The following IGFL2 variants were observed in gnomAD, a reference collection of about 807,000 sequenced individuals.
The protein encoded by IGFL2 is IGF like family member 2, also known as insulin growth factor-like family member 2.
Under a neutral mutation model 13.9 loss-of-function variants are expected in IGFL2, and 7 were observed. The ratio of observed to expected loss-of-function variants is 0.51; its 90% confidence interval spans 0.29 to 0.95. The LOEUF is 0.95. Among genes scored for constraint, IGFL2 ranks in the 40% least tolerant of loss-of-function variants. IGFL2 has a pLI of 0.08. For missense variants in IGFL2, 138 were observed against 147.8 expected (o/e 0.93, Z 0.34); for synonymous variants, 55 against 55.8 (o/e 0.99, Z 0.07).
chr19:46,159,552 A>C (rs1356868342), intron 1 of IGFL2: 1 of 152,118 alleles, frequency 6.6e-6, no homozygotes, highest in Non-Finnish European at 1.5e-5. Context: ...ACATAATCTC[A>C]TTGTCACCTG....
At chr19:46,123,433 GA>G in the IGFL2 span, among the ~76,000 whole-genome samples, 2 of 150,774 alleles carry the variant, frequency 1.3e-5, no homozygotes, top group Admixed American at 6.6e-5. Context: ...GTAAAGTAAG[GA>G]AAAAATTATA....
chr19:46,119,832 A>T, the IGFL2 span, among the ~76,000 whole-genome samples: 1 of 150,702 alleles, frequency 6.6e-6, no homozygotes, highest in Non-Finnish European at 1.5e-5. Context: ...AAGGGGATGC[A>T]GGAGCCCGGG....
At chr19:46,159,348 C>T (rs1455187994) in intron 1 of IGFL2, 1 of 152,176 alleles carries the variant, frequency 6.6e-6, no homozygotes, top group East Asian at 1.9e-4. Context: ...TCTCTAGTTT[C>T]ATGTTCATTG....
At chr19:46,146,755 A>G (rs1165686710), upstream of IGFL2, among the ~76,000 whole-genome samples, 1 of 152,088 alleles carries the variant, frequency 6.6e-6, no homozygotes, top group African/African-American at 2.4e-5. Flanking sequence ...TGCCAGTATA[A>G]AGGAATACAA....
At chr19:46,212,524 C>T in the IGFL2 span, 2 of 152,112 alleles carry the variant, frequency 1.3e-5, no homozygotes, top group Non-Finnish European at 2.9e-5. Flanking sequence ...GTTTTTTCGT[C>T]CTGACCCCAA....
the IGFL2 span, chr19:46,210,113 T>G: frequency 6.6e-6 from 1 of 152,184 alleles, no homozygotes; most frequent in African/African-American, 2.4e-5. Context: ...TTCTTGTTGA[T>G]GATCAGAAAC....
the IGFL2 span, among the ~76,000 whole-genome samples, chr19:46,134,313 C>T: frequency 6.6e-6 from 1 of 152,112 alleles, no homozygotes; most frequent in East Asian, 1.9e-4. Context: ...TTTTTGGCTC[C>T]AGGGACTGGT....
intron 1 of IGFL2, among the ~76,000 whole-genome samples, chr19:46,157,971 A>C (rs184258641): frequency 5.3e-5 from 8 of 152,328 alleles, no homozygotes; most frequent in African/African-American, 1.9e-4. Flanking sequence ...GAAAAAATCA[A>C]TCGTGTTTCT....
the IGFL2 span, among the ~76,000 whole-genome samples, chr19:46,119,338 C>T: frequency 6.6e-6 from 1 of 152,098 alleles, no homozygotes; most frequent in African/African-American, 2.4e-5. Context: ...GCTGTTCTAC[C>T]ACTGCTACTG....
chr19:46,180,283 A>G, the IGFL2 span, among the ~76,000 whole-genome samples: 1 of 151,514 alleles, frequency 6.6e-6, no homozygotes, highest in Admixed American at 6.6e-5. Flanking sequence ...AGTTCAAGCA[A>G]TTCTCCTGCC....
the IGFL2 span, among the ~76,000 whole-genome samples, chr19:46,185,324 C>T: frequency 3.3e-5 from 5 of 152,226 alleles, no homozygotes; most frequent in Admixed American, 2.6e-4. Flanking sequence ...GTCTACTACC[C>T]TTCCTTAGGG....
Position 46,160,893 on chromosome 19 carries a change from G to A in IGFL2, c.341+12G>A, listed in dbSNP as rs192801702. On this transcript the variant is annotated intron_variant, in intron 3 of 3. Transcript: ENST00000377693. ...AGTAAATGTGAAAGGTAGGGACCCC[G>A]TCCCTGGCCAGGGGGTCGGGGGAAG... 2.2e-5 allele frequency: 35 copies of A among 1,612,310 alleles called. No homozygotes were observed. In the Middle Eastern group the frequency reaches 6.6e-4, roughly 30 times the overall value.
chr19:46,210,477 A>G, the IGFL2 span, among the ~76,000 whole-genome samples: 1 of 152,118 alleles, frequency 6.6e-6, no homozygotes, highest in African/African-American at 2.4e-5. Flanking sequence ...ATATGAGTTT[A>G]TTAAGTAGTA....
the IGFL2 span, among the ~76,000 whole-genome samples, chr19:46,201,517 G>A: frequency 6.6e-6 from 1 of 152,220 alleles, no homozygotes; most frequent in African/African-American, 2.4e-5. Context: ...GGGCTCCCAA[G>A]CCTTTACGCG....
the IGFL2 span, among the ~76,000 whole-genome samples, chr19:46,090,204 T>A: frequency 1.5e-4 from 23 of 152,344 alleles, no homozygotes; most frequent in South Asian, 3.1e-3. Flanking sequence ...TTGAGTTTTT[T>A]AAAATTATTT....
chr19:46,176,484 A>T, the IGFL2 span, among the ~76,000 whole-genome samples: 1 of 152,124 alleles, frequency 6.6e-6, no homozygotes, highest in Admixed American at 6.5e-5. Context: ...AGCTTTTATA[A>T]TCTTGACTCT....
the IGFL2 span, among the ~76,000 whole-genome samples, chr19:46,194,588 G>A: frequency 6.6e-6 from 1 of 151,942 alleles, no homozygotes; most frequent in Non-Finnish European, 1.5e-5. Flanking sequence ...TTGGGAGGCC[G>A]GGGGAGGTGG....
the IGFL2 span, among the ~76,000 whole-genome samples, chr19:46,101,378 A>G: frequency 1.3e-5 from 2 of 152,214 alleles, no homozygotes; most frequent in African/African-American, 4.8e-5. Context: ...CTAGGGGCTC[A>G]GGCTCAGGGA....
At chr19:46,137,019 A>G in the IGFL2 span, 570 of 1,580,866 alleles carry the variant, frequency 3.6e-4, no homozygotes, top group African/African-American at 6.4e-3. Flanking sequence ...ACATCTTTCA[A>G]TGCAGTCACA....
Sources: allele counts gnomAD v4.1 joint callset (sites outside exome capture counted in the v4.1 genomes callset), GRCh38; gene constraint gnomAD v4.1.1; transcripts MANE v1.5; gene names NCBI Gene and HGNC (gene_info 2026-07-23, HGNC 2026-07-21).